The following USP20 variants were observed in gnomAD, a reference collection of about 807,000 sequenced individuals.
The protein encoded by USP20 is ubiquitin specific peptidase 20, also known as ubiquitin carboxyl-terminal hydrolase 20.
A neutral mutation model predicts 124.2 loss-of-function variants in USP20; 80 were observed. That is an observed-to-expected ratio of 0.64 (90% CI 0.54 to 0.78). The LOEUF is 0.78. USP20 is among the 30% of genes least tolerant of loss of function. The pLI is 0.00. For synonymous variants in USP20, 481 were observed against 512.3 expected, an observed-to-expected ratio of 0.94 and a Z score of 0.83; for missense variants, 1,043 against 1,244.4, an observed-to-expected ratio of 0.84 and a Z score of 2.44.
In USP20 at chr9:129,869,839, C is replaced by T. The variant is rs1192015825; in HGVS notation, c.1560C>T (p.Ile520=). 5.6e-6 allele frequency: 9 copies of T among 1,613,278 alleles called. No individual in the cohort carries two copies. Among genetic ancestry groups the T allele is most frequent in the Non-Finnish European group, 6.8e-6 (8 of 1,179,810 alleles). Residue 520 remains isoleucine, a synonymous_variant, in exon 14 of 26, where the codon ATC becomes ATT. Transcript: ENST00000372429. The stretch of plus-strand genomic sequence containing the variant: ...GGCTGGCCTTCATTGTGGAGTACAT[C>T]CGACGGTGCGCCCACCTTGCCACTA... ...QGWLAFIVEY[I]RRFVVSCTPS...
chr9:129,843,762 A>G (rs538642280), intron 1 of USP20, among the ~76,000 whole-genome samples: 4 of 151,888 alleles, frequency 2.6e-5, no homozygotes, highest in Non-Finnish European at 5.9e-5. Flanking sequence ...AAAACAAAAC[A>G]AAAAGATTTA....
At chr9:129,868,641 A>C (rs2033951526) in intron 11 of USP20, among the ~76,000 whole-genome samples, 192 bp downstream of exon 11, 1 of 152,144 alleles carries the variant, frequency 6.6e-6, no homozygotes, top group South Asian at 2.1e-4. Context: ...CTGGAGCCCA[A>C]TTCAGAGCCC....
chr9:129,849,166 A>G (rs1010037907), intron 1 of USP20, among the ~76,000 whole-genome samples: 15 of 152,174 alleles, frequency 9.9e-5, no homozygotes, highest in Admixed American at 7.2e-4. Flanking sequence ...TGATGGGACA[A>G]TAGGAGAGGC....
rs375456131 is a variant in USP20, at chr9:129,875,651, T to C, written c.2300+10T>C. ...AGCACCTGTACAACAGGTGAGAGCC[T>C]GGGAGGCCAACTTGTCTCCGTCCTG... is the stretch of plus-strand genomic sequence containing the variant. On this transcript the variant is annotated intron_variant, in intron 21 of 25. Coordinates refer to ENST00000372429, the MANE Select transcript of USP20 (RefSeq NM_001110303.4). 2.5e-6 allele frequency: 4 copies of C among 1,613,248 alleles called. No individual in the cohort carries two copies. In the African/African-American group the frequency reaches 4.0e-5, roughly 16 times the overall value.
chr9:129,838,791 G>A (rs548220198), intron 1 of USP20, among the ~76,000 whole-genome samples: 1 of 152,324 alleles, frequency 6.6e-6, no homozygotes, highest in Admixed American at 6.5e-5. Context: ...ACTCACCACT[G>A]AGTGTGAGGC....
rs377356300 is a variant in USP20, at chr9:129,865,389, A to G, written c.690+8A>G. ...CGAGGCTATGCCCAGCAGGTAAGCC[A>G]TCTGAGCTGCCCAGGGGACACCCAA... On this transcript the variant is annotated splice_region_variant and intron_variant, in intron 10 of 25. Transcript: ENST00000372429. The G allele has an allele frequency of 3.3e-5, 54 of 1,614,120 alleles. No individual in the cohort carries two copies. In the South Asian group the frequency reaches 4.6e-4, roughly 14 times the overall value.
rs543843013 is a variant in USP20 at position 129,870,927 on chromosome 9, C to T, written c.1660+380C>T. Among the ~76,000 whole-genome samples the T allele has an allele frequency of 5.3e-5, 8 of 151,952 alleles. No homozygotes were observed. The South Asian group carries it at 6.2e-4, about 12-fold the overall frequency. ...CATTCCTGTTCTTGTTCTTTTTCTC[C>T]GTTGGCTATTTGGCATCTAAACCTT... On this transcript the variant is annotated intron_variant, in intron 15 of 25. Coordinates refer to ENST00000372429, the MANE Select transcript of USP20 (RefSeq NM_001110303.4).
chr9:129,865,959 A>AT (rs1564211515), intron 10 of USP20, among the ~76,000 whole-genome samples: 2 of 152,264 alleles, frequency 1.3e-5, no homozygotes, highest in African/African-American at 4.8e-5. Context: ...TTGATTAAAA[A>AT]TTTTTTTTAA....
rs749480510 is a variant in USP20, at chr9:129,861,016, A to G, written c.410A>G (p.Asp137Gly). Residue 137 changes from aspartate (D) to glycine (G), a missense_variant, in exon 7 of 26, where the codon GAT (aspartate) becomes GGT (glycine). Asp to Gly is a moderately conservative substitution (Grantham distance 94, BLOSUM62 -1). Transcript: ENST00000372429. ...GAAGGAGAGTCTGAGTCAGAGGACGATGACCTGAAACCTCGAGGTAATGGC... is the reference window on the plus strand; with the variant it reads ...GAAGGAGAGTCTGAGTCAGAGGACGGTGACCTGAAACCTCGAGGTAATGGC... ...ADEGESESEDDDLKPRGLTGM... is the reference protein window; with the variant it reads ...ADEGESESEDGDLKPRGLTGM... 2 of 1,610,400 alleles carry G rather than the reference A, an allele frequency of 1.2e-6. No individual in the cohort carries two copies. The highest frequency in any genetic ancestry group is 1.3e-5 in the African/African-American group (1 of 74,968).
At position 129,874,592 on chromosome 9, in the gene USP20, T is replaced by C; in HGVS notation, c.1757T>C (p.Leu586Pro). Residue 586 changes from leucine to proline, a missense_variant, in exon 18 of 26, where the codon CTA becomes CCA. Transcript: ENST00000372429. ...TCCCCGCAGATCCTGTGCATTCACCTAAAGCGCTTTCGGCACGAGGTGATG... is the reference window on the plus strand; with the variant it reads ...TCCCCGCAGATCCTGTGCATTCACCCAAAGCGCTTTCGGCACGAGGTGATG... ...LRLPEILCIH[L>P]KRFRHEVMYS... The C allele has an allele frequency of 6.2e-7, 1 of 1,613,726 alleles. No individual in the cohort carries two copies. The highest frequency in any genetic ancestry group is 8.5e-7 in the Non-Finnish European group (1 of 1,180,018).
rs199990225 is a variant in USP20, at chr9:129,869,657, C to T, written c.1393-15C>T. On this transcript the variant is annotated splice_polypyrimidine_tract_variant and intron_variant, in intron 13 of 25. Coordinates refer to ENST00000372429, the MANE Select transcript of USP20 (RefSeq NM_001110303.4). ...TGCCAGAGGATGGGCAGCAGACTGACCTTCAACCCCACAGGTATCCACCAC... is the reference window on the plus strand; with the variant it reads ...TGCCAGAGGATGGGCAGCAGACTGATCTTCAACCCCACAGGTATCCACCAC... The T allele has an allele frequency of 8.9e-5, 143 of 1,613,382 alleles. No homozygotes were observed. Among genetic ancestry groups the T allele is most frequent in the Non-Finnish European group, 1.2e-4 (141 of 1,179,632 alleles).
At position 129,839,507 on chromosome 9, in the gene USP20, G is replaced by C. The variant is rs1449149728; in HGVS notation, c.-129+4008G>C. Among the ~76,000 whole-genome samples the C allele has an allele frequency of 6.6e-6, 1 of 152,058 alleles. No homozygotes were observed. Among genetic ancestry groups the C allele is most frequent in the African/African-American group, 2.4e-5 (1 of 41,378 alleles). ...CTGGGTTAAGGGAAGGGGTGGGTGT[G>C]TCTGGGACTTAGGGAGAATGCTGTT... On this transcript the variant is annotated intron_variant, in intron 1 of 25. Coordinates refer to ENST00000372429, the MANE Select transcript of USP20 (RefSeq NM_001110303.4). The surrounding 1 kb of genome is among the most constrained non-coding windows in gnomAD (Gnocchi z 4.5).
intron 14 of USP20, 88 bp downstream of exon 14, chr9:129,869,932 C>T: frequency 2.0e-6 from 3 of 1,510,886 alleles, no homozygotes; most frequent in Non-Finnish European, 2.7e-6. Context: ...GAAGTCCATG[C>T]ATTTGGGGAA....
intron 8 of USP20, among the ~76,000 whole-genome samples, chr9:129,862,925 TAAAAA>T (rs201165706): frequency 1.6e-4 from 20 of 121,794 alleles, no homozygotes; most frequent in Middle Eastern, 3.6e-3. Context: ...ATAATAATAA[TAAAAA>T]AATAAGGTAA....
chr9:129,875,179 C>T lies in USP20; in HGVS notation c.2049-131C>T, dbSNP rs2034329035. 2.4e-6 allele frequency: 3 copies of T among 1,258,656 alleles called. No homozygotes were observed. The South Asian group carries it at 4.6e-5, about 19-fold the overall frequency. 78.0% of individuals were successfully genotyped at this position (1,258,656 alleles called of 1,614,324 possible). ...CGGCACAGGGGGCTGCTCACATGTCCAGGACCCGTGAAGGACCCAGGAGGT... is the reference window on the plus strand; with the variant it reads ...CGGCACAGGGGGCTGCTCACATGTCTAGGACCCGTGAAGGACCCAGGAGGT... On this transcript the variant is annotated intron_variant, in intron 19 of 25. Coordinates refer to ENST00000372429, the MANE Select transcript of USP20 (RefSeq NM_001110303.4).
At position 129,878,415 on chromosome 9, in the gene USP20, G is replaced by A. The variant is rs1404874554; in HGVS notation, c.2487G>A (p.Glu829=). 2 of 1,609,946 alleles carry A rather than the reference G, an allele frequency of 1.2e-6. No homozygotes were observed. Among genetic ancestry groups the A allele is most frequent in the East Asian group, 2.2e-5 (1 of 44,736 alleles). The part of the protein sequence containing the change: ...CISMQWFREW[E]AFVKGKDNEP... ...GCATGCAGTGGTTCCGGGAGTGGGA[G>A]GCGTTCGTCAAGGGGAAGGACAACG... Residue 829 remains glutamate (E), a synonymous_variant, in exon 23 of 26, where the codon GAG becomes GAA. Transcript: ENST00000372429.
intron 15 of USP20, among the ~76,000 whole-genome samples, chr9:129,872,728 T>A (rs1330504387): frequency 1.3e-5 from 2 of 152,120 alleles, no homozygotes; most frequent in Non-Finnish European, 2.9e-5. Flanking sequence ...AACTATACAT[T>A]AAGATTTTAA....
rs1276913576 is a variant in USP20, at chr9:129,879,207, C to G, written c.2513-366C>G. On this transcript the variant is annotated intron_variant, in intron 23 of 25. Transcript: ENST00000372429. This position sits in a 1 kb window ranked among gnomAD's most constrained non-coding sequence, Gnocchi z 4.2. ...GACCTGAGTGGTTACTTCACCTTCC[C>G]AGGCCTCGGCTCTGTCTCTGTAAAC... Among the ~76,000 whole-genome samples, 1 of 152,238 alleles carries G rather than the reference C, an allele frequency of 6.6e-6. No individual in the cohort carries two copies. Among genetic ancestry groups the G allele is most frequent in the African/African-American group, 2.4e-5 (1 of 41,470 alleles).
chr9:129,861,599 G>A lies in USP20; in HGVS notation c.484G>A (p.Ala162Thr), dbSNP rs1256514744. ...NSCYMNAALQALSNCPPLTQF... is the reference protein window; with the variant it reads ...NSCYMNAALQTLSNCPPLTQF... ...CTGCTACATGAACGCTGCCCTGCAG[G>A]CCCTGTCCAATTGGTAGGTCGACAC... is the stretch of plus-strand genomic sequence containing the variant. Residue 162 changes from alanine to threonine, a missense_variant, in exon 8 of 26, where the codon GCC (alanine) becomes ACC (threonine). Transcript: ENST00000372429. The A allele has an allele frequency of 1.9e-6, 3 of 1,614,124 alleles. No homozygotes were observed. Among genetic ancestry groups the A allele is most frequent in the Non-Finnish European group, 2.5e-6 (3 of 1,180,018 alleles).
Sources: allele counts gnomAD v4.1 joint callset (sites outside exome capture counted in the v4.1 genomes callset), GRCh38; gene constraint gnomAD v4.1.1; non-coding constraint Gnocchi (gnomAD v3.1); transcripts MANE v1.5; gene names NCBI Gene and HGNC (gene_info 2026-07-23, HGNC 2026-07-21).